Variants in YJU2B observed in about 807,000 individuals in gnomAD.
The protein encoded by YJU2B is probable splicing factor YJU2B.
Under a neutral mutation model 38.0 loss-of-function variants are expected in YJU2B, and 18 were observed. The observed-to-expected ratio is 0.47, with a 90% CI of 0.33 to 0.70. YJU2B has a LOEUF of 0.70. YJU2B is among the 30% of genes least tolerant of loss of function. The probability of loss-of-function intolerance (pLI) is 0.02; values close to 1 mark genes in which losing one functional copy is unlikely to be tolerated. For missense variants in YJU2B, 538 were observed against 556.3 expected (o/e 0.97, Z 0.33); for synonymous variants, 246 against 225.4 (o/e 1.09, Z -0.82).
At chr19:13,749,585 T>A (rs1973376462) in intron 1 of YJU2B, among the ~76,000 whole-genome samples, 1 of 152,116 alleles carries the variant, frequency 6.6e-6, no homozygotes, top group African/African-American at 2.4e-5. Flanking sequence ...TAGAATACCC[T>A]TCACTGCTTC....
chr19:13,745,318 T>A (rs1030427640), upstream of YJU2B, among the ~76,000 whole-genome samples: 4 of 152,140 alleles, frequency 2.6e-5, no homozygotes, highest in Non-Finnish European at 5.9e-5. Context: ...AGAATTCATT[T>A]GTTAGTAGAG....
At chr19:13,734,590 C>CT (rs1428629756) in intron 2 of YJU2B, among the ~76,000 whole-genome samples, 3 of 151,248 alleles carry the variant, frequency 2.0e-5, no homozygotes, top group Non-Finnish European at 4.4e-5. Flanking sequence ...GCGCCCGGCC[C>CT]TTTTTTTGTT....
At chr19:13,738,273 G>C (rs1973004999) in intron 2 of YJU2B, among the ~76,000 whole-genome samples, 1 of 152,206 alleles carries the variant, frequency 6.6e-6, no homozygotes, top group Non-Finnish European at 1.5e-5. Context: ...GGGATGAAAA[G>C]TCAGGTGGAA....
In YJU2B at chr19:13,763,023, C is replaced by G. The variant is rs758013394; in HGVS notation, c.1146C>G (p.Leu382=). ...CCGACACGCGGCACCCCTGCAGTCTCGGCTCCTCCCTCGTGGCGGACTACT... is the reference window on the plus strand; with the variant it reads ...CCGACACGCGGCACCCCTGCAGTCTGGGCTCCTCCCTCGTGGCGGACTACT... The part of the protein sequence containing the change: ...DTPDTRHPCS[L]GSSLVADYSD... Residue 382 remains leucine, a synonymous_variant, in exon 10 of 10, where the codon CTC becomes CTG. Transcript: ENST00000221554. The G allele has an allele frequency of 1.9e-6, 3 of 1,587,080 alleles. No individual in the cohort carries two copies. Among genetic ancestry groups the G allele is most frequent in the Non-Finnish European group, 2.6e-6 (3 of 1,166,248 alleles).
At chr19:13,749,202 C>T (rs1253642574) in intron 1 of YJU2B, among the ~76,000 whole-genome samples, 3 of 152,142 alleles carry the variant, frequency 2.0e-5, no homozygotes, top group Middle Eastern at 6.3e-3. Flanking sequence ...CAGGGTTTCA[C>T]CATGTTGGCC....
At chr19:13,735,704 G>C (rs1034302347) in intron 2 of YJU2B, among the ~76,000 whole-genome samples, 1 of 152,064 alleles carries the variant, frequency 6.6e-6, no homozygotes, top group Non-Finnish European at 1.5e-5. Flanking sequence ...GGGAAATTAT[G>C]GTGTTTAAGC....
intron 2 of YJU2B, among the ~76,000 whole-genome samples, chr19:13,732,931 ATTT>A (rs757629860): frequency 1.6e-5 from 2 of 125,400 alleles, no homozygotes. Flanking sequence ...ACCTTTTGAA[ATTT>A]TTTTTTTTTT....
At chr19:13,740,841 A>AT (rs896873258) in intron 2 of YJU2B, among the ~76,000 whole-genome samples, 30 of 151,748 alleles carry the variant, frequency 2.0e-4, no homozygotes, top group African/African-American at 6.5e-4. Context: ...GGCCTTAGAC[A>AT]TTTTTATATT....
upstream of YJU2B, among the ~76,000 whole-genome samples, chr19:13,743,866 C>G (rs1308829086): frequency 1.3e-5 from 1 of 75,604 alleles, no homozygotes; most frequent in Non-Finnish European, 2.7e-5. Context: ...GCACTCCAGC[C>G]TGGGCAAGAC....
chr19:13,745,949 C>G (rs1310671490), upstream of YJU2B, among the ~76,000 whole-genome samples: 3 of 151,914 alleles, frequency 2.0e-5, no homozygotes, highest in Non-Finnish European at 4.4e-5. Flanking sequence ...TTAGGCCCTA[C>G]AAGGCATAAA....
intron 8 of YJU2B, among the ~76,000 whole-genome samples, chr19:13,759,797 A>ATTTTT (rs3059654): frequency 3.9e-5 from 5 of 129,848 alleles, no homozygotes; most frequent in African/African-American, 8.9e-5. Context: ...CGCCTGGCTA[A>ATTTTT]TTTTTTTTTT....
intron 2 of YJU2B, among the ~76,000 whole-genome samples, chr19:13,742,106 C>CG (rs386388589): frequency 6.6e-6 from 1 of 151,636 alleles, no homozygotes. Context: ...AAGTTCTGCC[C>CG]TCACCTTTCT....
upstream of YJU2B, among the ~76,000 whole-genome samples, chr19:13,744,359 A>T (rs1268556306): frequency 1.3e-5 from 2 of 152,220 alleles, no homozygotes; most frequent in African/African-American, 4.8e-5. Flanking sequence ...CATAAAGTTT[A>T]GTCTTCACTT....
intron 3 of YJU2B, among the ~76,000 whole-genome samples, chr19:13,754,837 C>T (rs1345087122): frequency 6.6e-6 from 1 of 152,118 alleles, no homozygotes; most frequent in Non-Finnish European, 1.5e-5. Context: ...GTCCATCTCC[C>T]CCGCTAGAAC....
chr19:13,759,352 C>G, intron 8 of YJU2B, 80 bp downstream of exon 8: 1 of 1,214,262 alleles, frequency 8.2e-7, no homozygotes, highest in Non-Finnish European at 1.1e-6. Context: ...CCACCACATC[C>G]TAGCTTTGAG....
At chr19:13,740,487 C>CA (rs1361161901) in intron 2 of YJU2B, among the ~76,000 whole-genome samples, 1 of 152,022 alleles carries the variant, frequency 6.6e-6, no homozygotes, top group African/African-American at 2.4e-5. Flanking sequence ...ACTGGGGTTA[C>CA]AGGCATGAAC....
chr19:13,743,321 T>C (rs915334856), upstream of YJU2B, among the ~76,000 whole-genome samples: 5 of 152,254 alleles, frequency 3.3e-5, no homozygotes, highest in African/African-American at 1.2e-4. Flanking sequence ...GGCTCACGCC[T>C]GTAATCCTAA....
intron 2 of YJU2B, among the ~76,000 whole-genome samples, chr19:13,735,278 G>A (rs1300916712): frequency 1.3e-5 from 2 of 152,110 alleles, no homozygotes; most frequent in African/African-American, 2.4e-5. Context: ...TTGCGCCACC[G>A]CACTCCAGCC....
At position 13,742,294 on chromosome 19, in the gene YJU2B, CTTTTTTTTTTT is replaced by C. The variant is rs552865402; in HGVS notation, c.-201-9296_-201-9286del. Among the ~76,000 whole-genome samples the C allele has an allele frequency of 1.5e-3, 173 of 111,974 alleles. 2 individuals carry two copies. The highest frequency in any genetic ancestry group is 4.3e-3 in the African/African-American group (120 of 27,646). 73.5% of individuals were successfully genotyped at this position (111,974 alleles called of 152,430 possible). On this transcript the variant is annotated intron_variant, in intron 2 of 10. Transcript: ENST00000586600. ...CCATCTGGTCCTTCTTTGAGTCCCACTTTTTTTTTTTTTTTTTTTTTTTTTTTTGAGACGGA... is the reference window on the plus strand; with the variant it reads ...CCATCTGGTCCTTCTTTGAGTCCCACTTTTTTTTTTTTTTTTTGAGACGGA...
Sources: gnomAD v4.1 joint callset for allele counts (sites outside exome capture counted in the v4.1 genomes callset) on GRCh38, gnomAD v4.1.1 for gene constraint, MANE v1.5 for transcripts, NCBI Gene and HGNC (gene_info 2026-07-23, HGNC 2026-07-21) for gene names.